Variants in HOOK3 observed in about 807,000 individuals in gnomAD.
The protein encoded by HOOK3 is hook microtubule tethering protein 3, also known as protein Hook homolog 3.
Under a neutral mutation model 116.3 loss-of-function variants are expected in HOOK3, and 24 were observed. That is an observed-to-expected ratio of 0.21 (90% CI 0.15 to 0.29). The LOEUF (loss-of-function observed/expected upper bound fraction) is 0.29, where lower values mean the gene tolerates loss of function less well. Among genes scored for constraint, HOOK3 ranks in the 10% least tolerant of loss-of-function variants. The pLI is 1.00. For synonymous variants in HOOK3, 275 were observed against 283.0 expected, an observed-to-expected ratio of 0.97 and a Z score of 0.28; for missense variants, 632 against 830.2, an observed-to-expected ratio of 0.76 and a Z score of 2.93.
At chr8:43,000,147 G>C in intron 16 of HOOK3, 2 of 589,996 alleles carry the variant, frequency 3.4e-6, no homozygotes, top group South Asian at 3.1e-5. Context: ...GACTCCGTCT[G>C]AAAAAAGAAA....
intron 13 of HOOK3, among the ~76,000 whole-genome samples, chr8:42,976,609 G>A (rs780765543): frequency 2.1e-4 from 32 of 152,062 alleles, no homozygotes; most frequent in Non-Finnish European, 1.8e-4. Flanking sequence ...TAAGAATGGT[G>A]TTTCTTGGCC....
chr8:42,943,532 C>A, intron 5 of HOOK3, 87 bp downstream of exon 5: 1 of 854,398 alleles, frequency 1.2e-6, no homozygotes, highest in African/African-American at 1.8e-5. Context: ...TCACCAGTAC[C>A]AACAGTAACA....
chr8:42,909,084 T>C (rs1450891894), intron 2 of HOOK3, among the ~76,000 whole-genome samples: 1 of 152,176 alleles, frequency 6.6e-6, no homozygotes, highest in African/African-American at 2.4e-5. Context: ...ACCAGGGAAA[T>C]ATAAATTAAA....
intron 2 of HOOK3, among the ~76,000 whole-genome samples, chr8:42,923,434 A>G (rs1445927017): frequency 6.6e-6 from 1 of 152,242 alleles, no homozygotes; most frequent in African/African-American, 2.4e-5. Context: ...CAGCTACTAA[A>G]TGAATAAACA....
Position 42,926,889 on chromosome 8 carries a change from A to G in HOOK3, c.216+1260A>G, listed in dbSNP as rs143987962. ...CCACACAGCTTCCTGTGCTGCTTCT[A>G]TAACCACATCCACACCACCCCTAAT... is the stretch of plus-strand genomic sequence containing the variant. On this transcript the variant is annotated intron_variant, in intron 3 of 21. Transcript: ENST00000307602. Among the ~76,000 whole-genome samples, 208 of 152,300 alleles carry G rather than the reference A, an allele frequency of 1.4e-3. 2 individuals are homozygous for G. The highest frequency in any genetic ancestry group is 0.014 in the Middle Eastern group (4 of 294).
chr8:42,955,500 TAGAA>T (rs1808416420), intron 6 of HOOK3, among the ~76,000 whole-genome samples: 1 of 152,106 alleles, frequency 6.6e-6, no homozygotes, highest in Non-Finnish European at 1.5e-5. Context: ...ACAAAAGTCA[TAGAA>T]AGACATGAAA....
At chr8:43,001,482 G>A (rs1809379952) in intron 16 of HOOK3, among the ~76,000 whole-genome samples, 1 of 151,502 alleles carries the variant, frequency 6.6e-6, no homozygotes, top group South Asian at 2.1e-4. Context: ...GAAATTTAGT[G>A]GTCTTATAGA....
intron 8 of HOOK3, among the ~76,000 whole-genome samples, chr8:42,962,606 G>C (rs999423857): frequency 6.6e-6 from 1 of 150,814 alleles, no homozygotes; most frequent in African/African-American, 2.4e-5. Flanking sequence ...GGGTCTCACT[G>C]TGTTGCCCAG....
At chr8:42,939,446 C>T (rs1455936199) in intron 4 of HOOK3, among the ~76,000 whole-genome samples, 4 of 148,670 alleles carry the variant, frequency 2.7e-5, no homozygotes, top group African/African-American at 5.0e-5. Context: ...GGCAGAGGGG[C>T]TCCTCACTTC....
chr8:42,947,382 C>T (rs1488406806), intron 5 of HOOK3, among the ~76,000 whole-genome samples: 2 of 152,126 alleles, frequency 1.3e-5, no homozygotes, highest in African/African-American at 2.4e-5. Context: ...TGGAAGTGCA[C>T]AACTGTTGAG....
Position 42,943,376 on chromosome 8 carries a change from G to T in HOOK3, c.331G>T (p.Asp111Tyr). The change falls in exon 5 of 22, where the codon GAT becomes TAT. Residue 111 changes from aspartate (D) to tyrosine (Y), a missense_variant. Transcript: ENST00000307602. Reference sequence around the variant, plus strand: ...TGTGAACCTTATTGGGGAGCATTCTGATGCAGCAGAGCTTGGAAGGATGCT... The same window carrying T: ...TGTGAACCTTATTGGGGAGCATTCTTATGCAGCAGAGCTTGGAAGGATGCT... Reference protein sequence around the residue: ...PDVNLIGEHSDAAELGRMLQL... With the variant: ...PDVNLIGEHSYAAELGRMLQL... 6.4e-7 allele frequency: 1 copy of T among 1,569,330 alleles called. No individual in the cohort carries two copies. Among genetic ancestry groups the T allele is most frequent in the Non-Finnish European group, 8.6e-7 (1 of 1,156,242 alleles).
chr8:43,003,439 T>TA (rs558088356), intron 17 of HOOK3, among the ~76,000 whole-genome samples: 24 of 150,790 alleles, frequency 1.6e-4, no homozygotes, highest in African/African-American at 3.4e-4. Flanking sequence ...TTCTGTCCTT[T>TA]AAAAAAAAAA....
In HOOK3 at chr8:42,968,029, G is replaced by C. The variant is rs780701378; in HGVS notation, c.937G>C (p.Val313Leu). ...TAATTCTAGACATTCTTCTGATAAA[G>C]TATCTAAACTAGAAGGTCAAGTAGA... ...IDVLRHSSDKVSKLEGQVESY... is the reference protein window; with the variant it reads ...IDVLRHSSDKLSKLEGQVESY... Residue 313 changes from valine (V) to leucine (L), a missense_variant, in exon 11 of 22, where the codon GTA becomes CTA. By Grantham distance (32) the Val-to-Leu change is conservative (BLOSUM62 1). Transcript: ENST00000307602. 1 of 1,561,086 alleles carries C rather than the reference G, an allele frequency of 6.4e-7. No individual in the cohort carries two copies. Among genetic ancestry groups the C allele is most frequent in the Non-Finnish European group, 8.8e-7 (1 of 1,133,508 alleles).
At position 43,027,431 on chromosome 8, in the gene HOOK3, G is replaced by A. The variant is rs1809951942; in HGVS notation, c.*8933G>A. The A allele has an allele frequency of 2.1e-6, 1 of 476,404 alleles. No homozygotes were observed. The highest frequency in any genetic ancestry group is 4.9e-5 in the East Asian group (1 of 20,488). 29.5% of individuals were successfully genotyped at this position (476,404 alleles called of 1,614,324 possible). On this transcript the variant is annotated 3_prime_UTR_variant, in exon 22 of 22. Transcript: ENST00000307602. ...TCTGTCATTTGTTCTGTTTGTAGAT[G>A]AGAGACATGCTTTTAAAGTACAAAA...
rs369775982 is a variant in HOOK3, at chr8:42,982,711, G to T, written c.1391+15G>T. On this transcript the variant is annotated intron_variant, in intron 14 of 21. Transcript: ENST00000307602. ...CCTGAAATCAGGTAAGGAGATTGTG[G>T]TGTTCACACTTACACTGCACAGTAT... The T allele has an allele frequency of 1.9e-6, 3 of 1,562,764 alleles. No individual in the cohort carries two copies. Among genetic ancestry groups the T allele is most frequent in the South Asian group, 2.2e-5 (2 of 90,018 alleles).
At position 42,957,151 on chromosome 8, in the gene HOOK3, C is replaced by T. The variant is rs751931391; in HGVS notation, c.526C>T (p.Arg176Cys). ...AGNDAYVDLDRQLKKTTEELN... is the reference protein window; with the variant it reads ...AGNDAYVDLDCQLKKTTEELN... ...AAATGATGCCTATGTTGACCTTGAT[C>T]GTCAGGTATATAATTTTACATTGTT... is the stretch of plus-strand genomic sequence containing the variant. The change falls in exon 7 of 22, where the codon CGT becomes TGT. Residue 176 changes from arginine to cysteine, a missense_variant. Physicochemically the swap from Arg to Cys is radical, Grantham distance 180. Transcript: ENST00000307602. The T allele has an allele frequency of 3.8e-6, 6 of 1,570,310 alleles. No homozygotes were observed. In the Admixed American group the frequency reaches 6.8e-5, roughly 18 times the overall value.
intron 4 of HOOK3, among the ~76,000 whole-genome samples, chr8:42,939,137 A>T (rs1439239278): frequency 6.6e-6 from 1 of 152,218 alleles, no homozygotes; most frequent in Non-Finnish European, 1.5e-5. Flanking sequence ...GACAACGGCA[A>T]CCATCTGATT....
chr8:42,906,105 A>AT, intron 1 of HOOK3, 68 bp from the exon 2 acceptor site: 2 of 708,918 alleles, frequency 2.8e-6, no homozygotes, highest in Non-Finnish European at 4.7e-6. Flanking sequence ...AAAAAAAAAA[A>AT]GGCCTAAGAA....
chr8:42,935,473 T>C (rs967921523), intron 4 of HOOK3, among the ~76,000 whole-genome samples: 1 of 152,234 alleles, frequency 6.6e-6, no homozygotes, highest in Admixed American at 6.5e-5. Context: ...CCCATGCCTG[T>C]GTCCTGAATG....
Sources: gnomAD v4.1 joint callset for allele counts (sites outside exome capture counted in the v4.1 genomes callset) on GRCh38, gnomAD v4.1.1 for gene constraint, MANE v1.5 for transcripts, NCBI Gene and HGNC (gene_info 2026-07-23, HGNC 2026-07-21) for gene names.